Variants in TAS1R3 observed in about 807,000 individuals in gnomAD.
TAS1R3 encodes the protein taste receptor type 1 member 3.
Under a neutral mutation model 46.1 loss-of-function variants are expected in TAS1R3, and 58 were observed. The ratio of observed to expected loss-of-function variants is 1.26; its 90% confidence interval spans 1.02 to 1.57. TAS1R3 has a LOEUF of 1.57. Among genes scored for constraint, TAS1R3 ranks in the 40% most tolerant of loss-of-function variants. The probability of loss-of-function intolerance (pLI) is 0.00; values close to 1 mark genes in which losing one functional copy is unlikely to be tolerated. For missense variants in TAS1R3, 1,422 were observed against 1,185.8 expected, an observed-to-expected ratio of 1.20 and a Z score of -2.93; for synonymous variants, 724 against 544.7, an observed-to-expected ratio of 1.33 and a Z score of -4.58.
rs1399218823 is a variant in TAS1R3 at position 1,333,816 on chromosome 1, G to A, written c.1911G>A (p.Gln637=). The A allele has an allele frequency of 1.3e-6, 2 of 1,598,850 alleles. No homozygotes were observed. Among genetic ancestry groups the A allele is most frequent in the East Asian group, 4.5e-5 (2 of 44,694 alleles). The change falls in exon 6 of 6, where the codon CAG becomes CAA. Residue 637 remains glutamine, a synonymous_variant. Transcript: ENST00000339381. ...GCCCTGCCCGATGCCTGGCCCAGCAGCCCTTGTCCCACCTCCCGCTCACGG... is the reference window on the plus strand; with the variant it reads ...GCCCTGCCCGATGCCTGGCCCAGCAACCCTTGTCCCACCTCCCGCTCACGG... The part of the protein sequence containing the change: ...QPSPARCLAQ[Q]PLSHLPLTGC...
rs766398837 is a variant in TAS1R3 at position 1,332,655 on chromosome 1, G to A, written c.1124G>A (p.Cys375Tyr). The change falls in exon 3 of 6, where the codon TGC (cysteine) becomes TAC (tyrosine). Residue 375 changes from cysteine (C) to tyrosine (Y), a missense_variant. Coordinates refer to ENST00000339381, the MANE Select transcript of TAS1R3 (RefSeq NM_152228.3). The stretch of plus-strand genomic sequence containing the variant: ...GGCCAGCGCTGCCCGCAGTGTGACT[G>A]CATCACGCTGCAGAACGTGAGCGCA... ...VVGQRCPQCD[C>Y]ITLQNVSAGL... 1 of 1,607,134 alleles carries A rather than the reference G, an allele frequency of 6.2e-7. No homozygotes were observed. Among genetic ancestry groups the A allele is most frequent in the East Asian group, 2.2e-5 (1 of 44,868 alleles).
Position 1,333,536 on chromosome 1 carries a change from AT to A in TAS1R3, c.1632del (p.Asp544GlufsTer33). The A allele has an allele frequency of 6.2e-7, 1 of 1,602,986 alleles. No homozygotes were observed. ...ATCGCCTGCACCTTTTGTGGCCAGG[AT>A]GAGTGGTCCCCGGAGCGAAGCACAC... Reference protein sequence around the residue: ...DDIACTFCGQDEWSPERSTRC... With the variant: ...DDIACTFCGQXEWSPERSTRC... On this transcript the variant is annotated frameshift_variant, in exon 6 of 6. Transcript: ENST00000339381. LOFTEE classifies it low-confidence loss of function (END_TRUNC).
chr1:1,332,104 T>TGTG lies in TAS1R3; in HGVS notation c.574_576dup (p.Val192dup). The TGTG allele has an allele frequency of 6.2e-7, 1 of 1,600,662 alleles. No homozygotes were observed. The highest frequency in any genetic ancestry group is 8.5e-7 in the Non-Finnish European group (1 of 1,179,834). On this transcript the variant is annotated inframe_insertion, in exon 3 of 6. Coordinates refer to ENST00000339381, the MANE Select transcript of TAS1R3 (RefSeq NM_152228.3). ...TCTTCCGCACCGTGCCCAGCGACCGTGTGCAGCTGACGGCCGCCGCGGAGC... is the reference window on the plus strand; with the variant it reads ...TCTTCCGCACCGTGCCCAGCGACCGTGTGGTGCAGCTGACGGCCGCCGCGGAGC...
chr1:1,332,542 C>T lies in TAS1R3; in HGVS notation c.1011C>T (p.Tyr337=), dbSNP rs772674504. 1.4e-5 allele frequency: 23 copies of T among 1,611,698 alleles called. No homozygotes were observed. Among genetic ancestry groups the T allele is most frequent in the East Asian group, 4.5e-5 (2 of 44,892 alleles). The stretch of plus-strand genomic sequence containing the variant: ...CCCAGCTGCACGAGTTCCCCCAGTA[C>T]GTGAAGACGCACCTGGCCCTGGCCA... The part of the protein sequence containing the change: ...RGAQLHEFPQ[Y]VKTHLALATD... The change falls in exon 3 of 6, where the codon TAC becomes TAT. Residue 337 remains tyrosine (Y), a synonymous_variant. Coordinates refer to ENST00000339381, the MANE Select transcript of TAS1R3 (RefSeq NM_152228.3).
chr1:1,331,589 C>T, intron 1 of TAS1R3, 49 bp from the exon 2 acceptor site: 2 of 1,603,812 alleles, frequency 1.2e-6, no homozygotes, highest in Non-Finnish European at 1.7e-6. Context: ...GTCTGGGGTG[C>T]TCCTGAGCTG....
chr1:1,333,299 A>C lies in TAS1R3; in HGVS notation c.1520A>C (p.Gln507Pro). The C allele has an allele frequency of 1.3e-6, 2 of 1,599,214 alleles. No individual in the cohort carries two copies. The highest frequency in any genetic ancestry group is 1.7e-6 in the Non-Finnish European group (2 of 1,173,858). ...SRCSRQCQEG[Q>P]VRRVKGFHSC... ...TGCTCGCGGCAGTGCCAGGAGGGCC[A>C]GGTGCGCCGGGTCAAGGGGTTCCAC... The change falls in exon 5 of 6, where the codon CAG (glutamine) becomes CCG (proline). Residue 507 changes from glutamine (Q) to proline (P), a missense_variant. Physicochemically the swap from Gln to Pro is moderately conservative, Grantham distance 76. Coordinates refer to ENST00000339381, the MANE Select transcript of TAS1R3 (RefSeq NM_152228.3).
rs1286704464 is a variant in TAS1R3 at position 1,331,779 on chromosome 1, G to A, written c.333G>A (p.Lys111=). Residue 111 remains lysine (K), a synonymous_variant, in exon 2 of 6, where the codon AAG becomes AAA. Transcript: ENST00000339381. ...GCTCGGAGCCTGTGGTGGCCATGAA[G>A]CCCAGCCTCATGTTCCTGGCCAAGG... ...DTCSEPVVAM[K]PSLMFLAKAG... 2 of 1,612,752 alleles carry A rather than the reference G, an allele frequency of 1.2e-6. No homozygotes were observed. Among genetic ancestry groups the A allele is most frequent in the Non-Finnish European group, 1.7e-6 (2 of 1,180,038 alleles).
Position 1,331,304 on chromosome 1 carries a change from CG to C in TAS1R3, c.-38del, listed in dbSNP as rs761505738. 2.0e-6 allele frequency: 3 copies of C among 1,523,414 alleles called. No homozygotes were observed. Among genetic ancestry groups the C allele is most frequent in the South Asian group, 2.6e-5 (2 of 77,702 alleles). The allele number at this position is 1,523,414 out of a possible 1,614,324, so 94.4% of individuals were successfully genotyped here. On this transcript the variant is annotated 5_prime_UTR_variant, in exon 1 of 6. Transcript: ENST00000339381. ...GGCTCACTCCATGTGAGGCCCCAGTCGGGGCAGCCACCTGCCGTGCCTGTTG... is the reference window on the plus strand; with the variant it reads ...GGCTCACTCCATGTGAGGCCCCAGTCGGGCAGCCACCTGCCGTGCCTGTTG...
chr1:1,332,959 C>A lies in TAS1R3; in HGVS notation c.1314C>A (p.Gly438=), dbSNP rs779062644. The part of the protein sequence containing the change: ...ENMYNLTFHV[G]GLPLRFDSSG... Reference sequence around the variant, plus strand: ...TGTACAACCTGACCTTCCACGTGGGCGGGCTGCCGCTGCGGTTCGACAGCA... The same window carrying A: ...TGTACAACCTGACCTTCCACGTGGGAGGGCTGCCGCTGCGGTTCGACAGCA... The change falls in exon 4 of 6, where the codon GGC becomes GGA. Residue 438 remains glycine, a synonymous_variant. Transcript: ENST00000339381. The A allele has an allele frequency of 6.2e-7, 1 of 1,611,818 alleles. No individual in the cohort carries two copies. Among genetic ancestry groups the A allele is most frequent in the African/African-American group, 1.3e-5 (1 of 75,042 alleles).
In TAS1R3 at chr1:1,333,084, C is replaced by T; in HGVS notation, c.1439C>T (p.Thr480Ile). ...DVGRFNGSLRTERLKIRWHTS... is the reference protein window; with the variant it reads ...DVGRFNGSLRIERLKIRWHTS... The stretch of plus-strand genomic sequence containing the variant: ...GGCAGGTTCAACGGCAGCCTCAGGA[C>T]AGAGCGCCTGAAGATCCGCTGGCAC... The change falls in exon 4 of 6, where the codon ACA (threonine) becomes ATA (isoleucine). Residue 480 changes from threonine (T) to isoleucine (I), a missense_variant. Thr to Ile is a moderately conservative substitution (Grantham distance 89). Coordinates refer to ENST00000339381, the MANE Select transcript of TAS1R3 (RefSeq NM_152228.3). 1 of 1,612,570 alleles carries T rather than the reference C, an allele frequency of 6.2e-7. No individual in the cohort carries two copies. The highest frequency in any genetic ancestry group is 8.5e-7 in the Non-Finnish European group (1 of 1,179,868).
rs746630608 is a variant in TAS1R3, at chr1:1,333,089, CGCCTGAAGATCCGCTGGCACACGT to C, written c.1445_1468del (p.Arg482_Ser490delinsPro). 23 of 1,612,304 alleles carry C rather than the reference CGCCTGAAGATCCGCTGGCACACGT, an allele frequency of 1.4e-5. No individual in the cohort carries two copies. Among genetic ancestry groups the C allele is most frequent in the Non-Finnish European group, 1.9e-5 (23 of 1,179,824 alleles). On this transcript the variant is annotated inframe_deletion, in exon 4 of 6. Coordinates refer to ENST00000339381, the MANE Select transcript of TAS1R3 (RefSeq NM_152228.3). ...GTTCAACGGCAGCCTCAGGACAGAGCGCCTGAAGATCCGCTGGCACACGTCTGACAACCAGGTGAGGTGAGGGTG... is the reference window on the plus strand; with the variant it reads ...GTTCAACGGCAGCCTCAGGACAGAGCCTGACAACCAGGTGAGGTGAGGGTG...
Position 1,333,594 on chromosome 1 carries a change from A to C in TAS1R3, c.1689A>C (p.Ala563=), listed in dbSNP as rs142152891. 1 of 1,608,816 alleles carries C rather than the reference A, an allele frequency of 6.2e-7. No homozygotes were observed. The highest frequency in any genetic ancestry group is 1.7e-5 in the Admixed American group (1 of 59,998). ...TCCGCCGCAGGTCTCGGTTCCTGGC[A>C]TGGGGCGAGCCGGCTGTGCTGCTGC... is the stretch of plus-strand genomic sequence containing the variant. ...RCFRRRSRFL[A]WGEPAVLLLL... The change falls in exon 6 of 6, where the codon GCA becomes GCC. Residue 563 remains alanine (A), a synonymous_variant. Coordinates refer to ENST00000339381, the MANE Select transcript of TAS1R3 (RefSeq NM_152228.3).
At position 1,334,539 on chromosome 1, in the gene TAS1R3, C is replaced by G; in HGVS notation, c.*75C>G. The G allele has an allele frequency of 7.1e-7, 1 of 1,415,320 alleles. No homozygotes were observed. The highest frequency in any genetic ancestry group is 2.5e-5 in the East Asian group (1 of 39,996). 87.7% of individuals were successfully genotyped at this position (1,415,320 alleles called of 1,614,324 possible). On this transcript the variant is annotated 3_prime_UTR_variant, in exon 6 of 6. Transcript: ENST00000339381. ...CCCCCAAGCCAGCAATGACCCGTGTCTCGCTACAGAGACCCTCCCGCTCTA... is the reference window on the plus strand; with the variant it reads ...CCCCCAAGCCAGCAATGACCCGTGTGTCGCTACAGAGACCCTCCCGCTCTA...
chr1:1,333,511 A>G lies in TAS1R3; in HGVS notation c.1606A>G (p.Ile536Val). ...AGSYRQNPDD[I>V]ACTFCGQDEW... ...GCCCTTCTCCTCTCTCACAGACGACATCGCCTGCACCTTTTGTGGCCAGGA... is the reference window on the plus strand; with the variant it reads ...GCCCTTCTCCTCTCTCACAGACGACGTCGCCTGCACCTTTTGTGGCCAGGA... Residue 536 changes from isoleucine (I) to valine (V), a missense_variant, in exon 6 of 6, where the codon ATC becomes GTC. Physicochemically the swap from Ile to Val is conservative, Grantham distance 29. Transcript: ENST00000339381. The G allele has an allele frequency of 6.2e-7, 1 of 1,601,508 alleles. No homozygotes were observed. Among genetic ancestry groups the G allele is most frequent in the South Asian group, 1.1e-5 (1 of 91,016 alleles).
At chr1:1,333,211 C>T (rs767618218) in intron 4 of TAS1R3, 48 bp from the exon 5 acceptor site, 29 of 1,593,010 alleles carry the variant, frequency 1.8e-5, no homozygotes, top group South Asian at 1.0e-4. Context: ...TCCAGTCTCC[C>T]GTGGGCATGC....
Position 1,333,721 on chromosome 1 carries a change from C to CTGGCCTGCTT in TAS1R3, c.1824_1833dup (p.Val612LeufsTer234). The stretch of plus-strand genomic sequence containing the variant: ...ACTGGTTCAGGCCTCGGGGGGGCCC[C>CTGGCCTGCTT]TGGCCTGCTTTGGCCTGGTGTGCCT... On this transcript the variant is annotated frameshift_variant, in exon 6 of 6. Coordinates refer to ENST00000339381, the MANE Select transcript of TAS1R3 (RefSeq NM_152228.3). LOFTEE classifies it low-confidence loss of function (END_TRUNC). The CTGGCCTGCTT allele has an allele frequency of 6.2e-7, 1 of 1,607,804 alleles. No homozygotes were observed. Among genetic ancestry groups the CTGGCCTGCTT allele is most frequent in the Middle Eastern group, 1.7e-4 (1 of 6,042 alleles).
chr1:1,332,384 A>T lies in TAS1R3; in HGVS notation c.853A>T (p.Asn285Tyr). ...ASVHAAHALF[N>Y]YSISSRLSPK... ...CGTGCACGCCGCCCACGCCCTCTTCAACTACAGCATCAGCAGCAGGCTCTC... is the reference window on the plus strand; with the variant it reads ...CGTGCACGCCGCCCACGCCCTCTTCTACTACAGCATCAGCAGCAGGCTCTC... Residue 285 changes from asparagine to tyrosine, a missense_variant, in exon 3 of 6, where the codon AAC becomes TAC. Asn to Tyr is a moderately radical substitution (Grantham distance 143, BLOSUM62 -2). Coordinates refer to ENST00000339381, the MANE Select transcript of TAS1R3 (RefSeq NM_152228.3). 1 of 1,602,242 alleles carries T rather than the reference A, an allele frequency of 6.2e-7. No homozygotes were observed. Among genetic ancestry groups the T allele is most frequent in the Admixed American group, 1.7e-5 (1 of 58,390 alleles).
Position 1,334,221 on chromosome 1 carries a change from C to T in TAS1R3, c.2316C>T (p.Phe772=), listed in dbSNP as rs773785119. ...RGLTFAMLAY[F]ITWVSFVPLL... The stretch of plus-strand genomic sequence containing the variant: ...TCACCTTTGCCATGCTGGCCTACTT[C>T]ATCACCTGGGTCTCCTTTGTGCCCC... Residue 772 remains phenylalanine (F), a synonymous_variant, in exon 6 of 6, where the codon TTC becomes TTT. Coordinates refer to ENST00000339381, the MANE Select transcript of TAS1R3 (RefSeq NM_152228.3). 9 of 1,609,718 alleles carry T rather than the reference C, an allele frequency of 5.6e-6. No homozygotes were observed. The highest frequency in any genetic ancestry group is 6.8e-6 in the Non-Finnish European group (8 of 1,178,668).
chr1:1,332,931 A>C lies in TAS1R3; in HGVS notation c.1286A>C (p.Asn429Thr). 3 of 1,607,490 alleles carry C rather than the reference A, an allele frequency of 1.9e-6. No homozygotes were observed. The South Asian group carries it at 3.3e-5, about 18-fold the overall frequency. Residue 429 changes from asparagine to threonine, a missense_variant, in exon 4 of 6, where the codon AAC becomes ACC. Coordinates refer to ENST00000339381, the MANE Select transcript of TAS1R3 (RefSeq NM_152228.3). Reference sequence around the variant, plus strand: ...GTCCCCCGCCCGCAGCTCCTGGAGAACATGTACAACCTGACCTTCCACGTG... The same window carrying C: ...GTCCCCCGCCCGCAGCTCCTGGAGACCATGTACAACCTGACCTTCCACGTG... ...DPVKPWQLLE[N>T]MYNLTFHVGG...
Sources: allele counts gnomAD v4.1 joint callset, GRCh38; gene constraint gnomAD v4.1.1; transcripts MANE v1.5; gene names NCBI Gene and HGNC (gene_info 2026-07-23, HGNC 2026-07-21).